Variants in PCDHGA11 observed in about 807,000 individuals in gnomAD.
PCDHGA11 encodes protocadherin gamma-A11.
PCDHGA11 carries 39 observed loss-of-function variants against 60.4 expected under a neutral mutation model. That is an observed-to-expected ratio of 0.65 (90% CI 0.50 to 0.84). The LOEUF (loss-of-function observed/expected upper bound fraction) is 0.84. Among genes scored for constraint, PCDHGA11 ranks in the 40% least tolerant of loss-of-function variants. The pLI is 0.00. For synonymous variants in PCDHGA11, 533 were observed against 510.3 expected (o/e 1.04, Z -0.60); for missense variants, 1,165 against 1,197.7 (o/e 0.97, Z 0.40).
At chr5:141,449,280 C>G (rs934214922) in intron 1 of PCDHGA11, among the ~76,000 whole-genome samples, 1 of 151,944 alleles carries the variant, frequency 6.6e-6, no homozygotes, top group East Asian at 1.9e-4. Context: ...CTCCTTCACC[C>G]GGATGCACCG....
chr5:141,463,097 C>A (rs1333118215), intron 1 of PCDHGA11, among the ~76,000 whole-genome samples: 2 of 152,152 alleles, frequency 1.3e-5, no homozygotes, highest in East Asian at 3.8e-4. Context: ...CCCTATGTGA[C>A]CATCAAGAAT....
At chr5:141,449,000 T>G (rs1424736421) in intron 1 of PCDHGA11, among the ~76,000 whole-genome samples, 1 of 151,774 alleles carries the variant, frequency 6.6e-6, no homozygotes, top group African/African-American at 2.4e-5. Context: ...TAGAAAGCTG[T>G]TTTTTTTAAC....
intron 3 of PCDHGA11, among the ~76,000 whole-genome samples, chr5:141,506,435 G>C (rs1470687416): frequency 7.9e-6 from 1 of 126,278 alleles, no homozygotes; most frequent in East Asian, 2.1e-4. Flanking sequence ...CAACAGTCTC[G>C]CTCTGTCTCA....
At chr5:141,496,760 G>A (rs144857340) in intron 2 of PCDHGA11, among the ~76,000 whole-genome samples, 4 of 152,108 alleles carry the variant, frequency 2.6e-5, no homozygotes, top group East Asian at 1.9e-4. Context: ...AATATTTATC[G>A]AGCATCTACT....
intron 1 of PCDHGA11, 120 bp downstream of exon 1, chr5:141,423,780 T>C: frequency 8.0e-7 from 1 of 1,243,766 alleles, no homozygotes; most frequent in Non-Finnish European, 1.0e-6. Flanking sequence ...ATATATTTAG[T>C]TCATATATAT....
At chr5:141,495,910 A>C (rs2154591812) in intron 2 of PCDHGA11, among the ~76,000 whole-genome samples, 1 of 151,278 alleles carries the variant, frequency 6.6e-6, no homozygotes, top group East Asian at 1.9e-4. Flanking sequence ...GTCTCTGTAT[A>C]TCTTTCTTTG....
rs1594666821 is a variant in PCDHGA11, at chr5:141,487,316, T to C, written c.2434-7491T>C. 6.2e-7 allele frequency: 1 copy of C among 1,614,164 alleles called. No individual in the cohort carries two copies. Among genetic ancestry groups the C allele is most frequent in the South Asian group, 1.1e-5 (1 of 91,080 alleles). On this transcript the variant is annotated intron_variant, in intron 1 of 3. Coordinates refer to ENST00000398587, the MANE Select transcript of PCDHGA11 (RefSeq NM_018914.3). This position sits in a 1 kb window ranked among gnomAD's most constrained non-coding sequence, Gnocchi z 5.0. ...CTCATTCGTGGCACTACTCTCTAAG[T>C]GTCTTCGTGGGGCAGCCTGTGGAGT... is the stretch of plus-strand genomic sequence containing the variant.
chr5:141,487,771 T>C lies in PCDHGA11; in HGVS notation c.2434-7036T>C. The C allele has an allele frequency of 1.3e-6, 2 of 1,537,446 alleles. No homozygotes were observed. Among genetic ancestry groups the C allele is most frequent in the South Asian group, 2.4e-5 (2 of 82,456 alleles). ...ACTATGTGGTAGACGCTGTGCTTTGTAACTGTTTCGTGAATTAACCAGAGT... is the reference window on the plus strand; with the variant it reads ...ACTATGTGGTAGACGCTGTGCTTTGCAACTGTTTCGTGAATTAACCAGAGT... On this transcript the variant is annotated intron_variant, in intron 1 of 3. Coordinates refer to ENST00000398587, the MANE Select transcript of PCDHGA11 (RefSeq NM_018914.3). This position sits in a 1 kb window ranked among gnomAD's most constrained non-coding sequence, Gnocchi z 5.0.
intron 1 of PCDHGA11, among the ~76,000 whole-genome samples, chr5:141,467,702 C>T (rs2099149453): frequency 6.6e-6 from 1 of 152,086 alleles, no homozygotes; most frequent in South Asian, 2.1e-4. Context: ...GGCTCTGTTG[C>T]CCAGGCTGGA....
chr5:141,443,781 CA>C (rs1227271563), intron 1 of PCDHGA11, among the ~76,000 whole-genome samples: 2 of 150,514 alleles, frequency 1.3e-5, no homozygotes, highest in African/African-American at 2.4e-5. Flanking sequence ...ACCAAAAAGA[CA>C]AAAAAAATGA....
At chr5:141,479,048 C>A (rs1253895615) in intron 1 of PCDHGA11, among the ~76,000 whole-genome samples, 1 of 152,150 alleles carries the variant, frequency 6.6e-6, no homozygotes, top group Admixed American at 6.5e-5. Flanking sequence ...GTACCTCATT[C>A]TCAGATAATT....
intron 1 of PCDHGA11, among the ~76,000 whole-genome samples, chr5:141,470,528 G>A (rs1446688992): frequency 6.6e-6 from 1 of 152,140 alleles, no homozygotes; most frequent in East Asian, 1.9e-4. Context: ...ATTAAAATAT[G>A]TATCAGGTAA....
Position 141,490,732 on chromosome 5 carries a change from G to T in PCDHGA11, c.2434-4075G>T, listed in dbSNP as rs775388969. 4 of 1,614,188 alleles carry T rather than the reference G, an allele frequency of 2.5e-6. No individual in the cohort carries two copies. Among genetic ancestry groups the T allele is most frequent in the Non-Finnish European group, 3.4e-6 (4 of 1,180,042 alleles). ...CACCTACTCCATTGTAGGAAATCAGGTTCAGGGAGCCCCAGCCTCCTCCTT... is the reference window on the plus strand; with the variant it reads ...CACCTACTCCATTGTAGGAAATCAGTTTCAGGGAGCCCCAGCCTCCTCCTT... On this transcript the variant is annotated intron_variant, in intron 1 of 3. Transcript: ENST00000398587. The surrounding 1 kb of genome is among the most constrained non-coding windows in gnomAD (Gnocchi z 5.4).
intron 1 of PCDHGA11, among the ~76,000 whole-genome samples, chr5:141,474,062 C>G (rs745636246): frequency 6.6e-6 from 1 of 152,104 alleles, no homozygotes; most frequent in Non-Finnish European, 1.5e-5. Flanking sequence ...AGAGCGAGAT[C>G]CTGCCTCAGA....
chr5:141,495,839 A>G (rs2099764148), intron 2 of PCDHGA11, among the ~76,000 whole-genome samples: 1 of 150,756 alleles, frequency 6.6e-6, no homozygotes, highest in South Asian at 2.1e-4. Flanking sequence ...CCCAGCCTCT[A>G]TGTTTCTCTG....
chr5:141,421,383 C>A lies in PCDHGA11; in HGVS notation c.156C>A (p.Asp52Glu), dbSNP rs754951142. The A allele has an allele frequency of 2.5e-6, 4 of 1,614,034 alleles. 1 individual carries two copies. The highest frequency in any genetic ancestry group is 8.5e-7 in the Non-Finnish European group (1 of 1,179,910). Residue 52 changes from aspartate to glutamate, a missense_variant, in exon 1 of 4, where the codon GAC becomes GAA. Transcript: ENST00000398587. ...CCTTCGTGGGCAATATCTCCAAGGA[C>A]CTGGGGCTGGAGCCCCGGGAGCTGG... ...KGSFVGNISK[D>E]LGLEPRELAK... is the part of the protein sequence containing the mutation.
rs1458461652 is a variant in PCDHGA11 at position 141,421,879 on chromosome 5, G to T, written c.652G>T (p.Gly218Ter). 1 of 1,613,746 alleles carries T rather than the reference G, an allele frequency of 6.2e-7. No individual in the cohort carries two copies. The highest frequency in any genetic ancestry group is 8.5e-7 in the Non-Finnish European group (1 of 1,179,892). ...CCTGCTCCTCCTCACAGCTTTAGATGGAGGCGATCCCATCCGAAAGGGCGC... is the reference window on the plus strand; with the variant it reads ...CCTGCTCCTCCTCACAGCTTTAGATTGAGGCGATCCCATCCGAAAGGGCGC... ...AHLLLLTALD[G>*]GDPIRKGAVP... Residue 218 changes from glycine (G) to a stop codon, truncating the protein, a stop_gained, in exon 1 of 4, where the codon GGA (glycine) becomes TGA (stop). Transcript: ENST00000398587. LOFTEE classifies it high-confidence loss of function.
At chr5:141,453,046 T>C (rs1561950003) in intron 1 of PCDHGA11, among the ~76,000 whole-genome samples, 1 of 152,186 alleles carries the variant, frequency 6.6e-6, no homozygotes, top group Non-Finnish European at 1.5e-5. Context: ...GTTTCTATTA[T>C]GTGCAGTTTT....
chr5:141,461,196 T>C (rs1398352067), intron 1 of PCDHGA11, among the ~76,000 whole-genome samples: 3 of 152,128 alleles, frequency 2.0e-5, no homozygotes. Context: ...TGTTTTTTGC[T>C]CTTTAGAGAA....
Sources: allele counts gnomAD v4.1 joint callset (sites outside exome capture counted in the v4.1 genomes callset), GRCh38; gene constraint gnomAD v4.1.1; non-coding constraint Gnocchi (gnomAD v3.1); transcripts MANE v1.5; gene names NCBI Gene and HGNC (gene_info 2026-07-23, HGNC 2026-07-21).